NEK10: variants seen among roughly 807,000 people sequenced by gnomAD.
NEK10 encodes the protein NIMA related kinase 10.
A neutral mutation model predicts 159.8 loss-of-function variants in NEK10; 122 were observed. The observed-to-expected ratio is 0.76, with a 90% CI of 0.66 to 0.89. The LOEUF is 0.89. Ranked by LOEUF, NEK10 falls within the 40% of genes least tolerant of loss-of-function variation. The pLI is 0.00. For missense variants in NEK10, 1,342 were observed against 1,323.1 expected (o/e 1.01, Z -0.22); for synonymous variants, 466 against 457.1 (o/e 1.02, Z -0.25).
chr3:27,194,864 A>G (rs1027142967), intron 25 of NEK10, among the ~76,000 whole-genome samples: 7 of 152,236 alleles, frequency 4.6e-5, no homozygotes, highest in African/African-American at 7.2e-5. Flanking sequence ...TTAATAGTAC[A>G]CTAGTAGGTA....
intron 26 of NEK10, among the ~76,000 whole-genome samples, chr3:27,188,277 A>G (rs758957487): frequency 6.6e-6 from 1 of 152,222 alleles, no homozygotes; most frequent in Non-Finnish European, 1.5e-5. Flanking sequence ...CGGAATCATT[A>G]GAAAGTTCCT....
intron 23 of NEK10, among the ~76,000 whole-genome samples, chr3:27,216,103 A>G (rs1194611203): frequency 3.3e-5 from 5 of 152,218 alleles, no homozygotes; most frequent in Non-Finnish European, 7.3e-5. Flanking sequence ...TGACATACAC[A>G]TTAATTTAAA....
At chr3:27,113,435 CAAAAAA>C (rs3034425) in intron 35 of NEK10, among the ~76,000 whole-genome samples, 2 of 81,512 alleles carry the variant, frequency 2.5e-5, no homozygotes, top group African/African-American at 4.4e-5. Context: ...GATTCCATCT[CAAAAAA>C]AAAAAAAAAA....
At chr3:27,293,010 C>T (rs2043109489) in intron 16 of NEK10, among the ~76,000 whole-genome samples, 1 of 152,014 alleles carries the variant, frequency 6.6e-6, no homozygotes, top group Non-Finnish European at 1.5e-5. Flanking sequence ...TTGGCTAACC[C>T]ACCTAACTAA....
At chr3:27,253,686 C>T (rs1955889407) in intron 23 of NEK10, among the ~76,000 whole-genome samples, 1 of 152,104 alleles carries the variant, frequency 6.6e-6, no homozygotes, top group African/African-American at 2.4e-5. Context: ...GGCAAAATGA[C>T]ATGGGGACAT....
intron 23 of NEK10, among the ~76,000 whole-genome samples, chr3:27,218,909 C>G (rs538273631): frequency 1.4e-4 from 21 of 152,106 alleles, no homozygotes; most frequent in Non-Finnish European, 2.4e-4. Context: ...CGGTAAAGAC[C>G]AACAGCTTCC....
Position 27,191,955 on chromosome 3 carries a change from C to T in NEK10, c.2505+74G>A, listed in dbSNP as rs1949154099. The T allele has an allele frequency of 1.5e-5, 20 of 1,326,640 alleles. No homozygotes were observed. In the South Asian group the frequency reaches 1.7e-4, roughly 11 times the overall value. The allele number at this position is 1,326,640 out of a possible 1,614,324, so 82.2% of individuals were successfully genotyped here. A position where few individuals can be genotyped will look rare whatever the true frequency, so the allele number is the denominator to read the frequency against. The stretch of plus-strand genomic sequence containing the variant: ...TTTTTCTAACTTTTGATGAATGTTC[C>T]TTAAAACAAGCATGAACAACTTCAG... On this transcript the variant is annotated intron_variant, in intron 26 of 35. Transcript: ENST00000691995.
At chr3:27,114,633 G>A (rs1031013175) in intron 35 of NEK10, among the ~76,000 whole-genome samples, 1 of 152,198 alleles carries the variant, frequency 6.6e-6, no homozygotes, top group African/African-American at 2.4e-5. Context: ...TTAACAGGAT[G>A]TTCTTGAGCC....
At chr3:27,359,151 G>A (rs771872499) in intron 1 of NEK10, among the ~76,000 whole-genome samples, 5 of 145,208 alleles carry the variant, frequency 3.4e-5, no homozygotes, top group Admixed American at 7.1e-5. Flanking sequence ...GCAGTGAGCC[G>A]AGACCGTGCC....
intron 26 of NEK10, 124 bp downstream of exon 26, chr3:27,191,905 A>G: frequency 1.4e-6 from 1 of 695,998 alleles, no homozygotes; most frequent in Non-Finnish European, 2.5e-6. Flanking sequence ...ATGTAACTAT[A>G]CTACTGCAAT....
chr3:27,346,013 GGA>G (rs2047526227), intron 4 of NEK10, 71 bp downstream of exon 4: 1 of 1,449,712 alleles, frequency 6.9e-7, no homozygotes, highest in Admixed American at 2.0e-5. Flanking sequence ...TTAGCTCCTG[GGA>G]TAAACTTAAA....
At chr3:27,139,003 T>C (rs1437908279) in intron 31 of NEK10, among the ~76,000 whole-genome samples, 1 of 152,188 alleles carries the variant, frequency 6.6e-6, no homozygotes, top group Non-Finnish European at 1.5e-5. Context: ...GCTGAAGTCA[T>C]GGTCTGAGAC....
At chr3:27,196,040 A>C (rs1293218184) in intron 25 of NEK10, among the ~76,000 whole-genome samples, 1 of 152,210 alleles carries the variant, frequency 6.6e-6, no homozygotes, top group Non-Finnish European at 1.5e-5. Flanking sequence ...CAAAGAAAGA[A>C]GTAAAAACTA....
chr3:27,352,583 T>C, intron 2 of NEK10, 58 bp from the exon 3 acceptor site: 1 of 1,251,016 alleles, frequency 8.0e-7, no homozygotes, highest in Non-Finnish European at 1.2e-6. Context: ...AACAAGATCG[T>C]GTTACCCACT....
At chr3:27,236,989 A>C (rs1372744564) in intron 23 of NEK10, among the ~76,000 whole-genome samples, 1 of 152,112 alleles carries the variant, frequency 6.6e-6, no homozygotes, top group Non-Finnish European at 1.5e-5. Flanking sequence ...TAAGACAGAC[A>C]CTCCCAAAGT....
At position 27,295,781 on chromosome 3, in the gene NEK10, TC is replaced by T. The variant is rs1289124914; in HGVS notation, c.1231-92del. Reference sequence around the variant, plus strand: ...AAATAAACAATCTCAAACATTAATATCAAAGAAGAAATATTAGTATAACTAT... The same window carrying T: ...AAATAAACAATCTCAAACATTAATATAAAGAAGAAATATTAGTATAACTAT... On this transcript the variant is annotated intron_variant, in intron 14 of 35. Coordinates refer to ENST00000691995, the MANE Select transcript of NEK10 (RefSeq NM_001394966.1). 2.1e-5 allele frequency: 29 copies of T among 1,399,640 alleles called. No individual in the cohort carries two copies. The East Asian group carries it at 7.2e-4, about 35-fold the overall frequency. 86.7% of individuals were successfully genotyped at this position (1,399,640 alleles called of 1,614,324 possible). A position where few individuals can be genotyped will look rare whatever the true frequency, so the allele number is the denominator to read the frequency against.
intron 11 of NEK10, 146 bp from the exon 12 acceptor site, chr3:27,305,117 C>G: frequency 1.6e-6 from 1 of 615,392 alleles, no homozygotes; most frequent in East Asian, 2.7e-5. Context: ...TGTAAGGAGC[C>G]CGATCAAAGC....
At chr3:27,236,119 G>A (rs550099410) in intron 23 of NEK10, among the ~76,000 whole-genome samples, 1 of 152,054 alleles carries the variant, frequency 6.6e-6, no homozygotes, top group Admixed American at 6.6e-5. Flanking sequence ...TGGACTCATA[G>A]AGGGGGAACA....
chr3:27,293,661 CA>C lies in NEK10; in HGVS notation c.1309-10del. Reference sequence around the variant, plus strand: ...GCTCTGAAAGCATAACACTAGAAAACAAAAGGATATGTGATTCTCAAATGGT... The same window carrying C: ...GCTCTGAAAGCATAACACTAGAAAACAAAGGATATGTGATTCTCAAATGGT... On this transcript the variant is annotated splice_polypyrimidine_tract_variant and intron_variant, in intron 15 of 35. Coordinates refer to ENST00000691995, the MANE Select transcript of NEK10 (RefSeq NM_001394966.1). 6.7e-7 allele frequency: 1 copy of C among 1,485,046 alleles called. No homozygotes were observed. The allele number at this position is 1,485,046 out of a possible 1,614,324, so 92.0% of individuals were successfully genotyped here.
Sources: gnomAD v4.1 joint callset for allele counts (sites outside exome capture counted in the v4.1 genomes callset) on GRCh38, gnomAD v4.1.1 for gene constraint, MANE v1.5 for transcripts, NCBI Gene and HGNC (gene_info 2026-07-23, HGNC 2026-07-21) for gene names.